OSBPL8: variants seen among roughly 807,000 people sequenced by gnomAD.
The protein encoded by OSBPL8 is oxysterol binding protein like 8.
OSBPL8 carries 59 observed loss-of-function variants against 125.5 expected under a neutral mutation model. That is an observed-to-expected ratio of 0.47 (90% CI 0.38 to 0.58). OSBPL8 has a LOEUF of 0.58. OSBPL8 is among the 20% of genes least tolerant of loss of function. The probability of loss-of-function intolerance (pLI) is 0.00; values close to 1 mark genes in which losing one functional copy is unlikely to be tolerated. For synonymous variants in OSBPL8, 330 were observed against 338.9 expected, an observed-to-expected ratio of 0.97 and a Z score of 0.29; for missense variants, 758 against 1,047.8, an observed-to-expected ratio of 0.72 and a Z score of 3.82.
At chr12:76,517,562 G>A (rs905584468) in intron 1 of OSBPL8, among the ~76,000 whole-genome samples, 1 of 151,954 alleles carries the variant, frequency 6.6e-6, no homozygotes, top group African/African-American at 2.4e-5. Context: ...TTAAATACTT[G>A]GCTTTAAGAG....
chr12:76,436,800 CAT>C (rs920847499), intron 4 of OSBPL8, among the ~76,000 whole-genome samples: 5 of 152,116 alleles, frequency 3.3e-5, no homozygotes, highest in East Asian at 1.9e-4. Context: ...TTATATAACA[CAT>C]GTGTATTATA....
chr12:76,470,900 A>G (rs1876056137), intron 2 of OSBPL8, among the ~76,000 whole-genome samples: 1 of 152,228 alleles, frequency 6.6e-6, no homozygotes, highest in African/African-American at 2.4e-5. Flanking sequence ...AAAGCTTTGG[A>G]TTAAATAAAA....
At chr12:76,431,503 A>G (rs1870819989) in intron 4 of OSBPL8, among the ~76,000 whole-genome samples, 1 of 152,178 alleles carries the variant, frequency 6.6e-6, no homozygotes, top group South Asian at 2.1e-4. Context: ...AGACTCAACT[A>G]TATGCTGTTT....
At chr12:76,508,243 A>G (rs543031543) in intron 1 of OSBPL8, among the ~76,000 whole-genome samples, 1 of 152,348 alleles carries the variant, frequency 6.6e-6, no homozygotes, top group Admixed American at 6.5e-5. Flanking sequence ...TTCACTCTGC[A>G]ATTTTGACTA....
intron 21 of OSBPL8, among the ~76,000 whole-genome samples, chr12:76,366,032 T>A (rs568197047): frequency 1.8e-4 from 27 of 152,360 alleles, no homozygotes; most frequent in African/African-American, 6.5e-4. Flanking sequence ...ATAAAGGTTA[T>A]TGTTTGTAAC....
chr12:76,403,707 C>T (rs1021278804), intron 5 of OSBPL8, among the ~76,000 whole-genome samples: 3 of 152,078 alleles, frequency 2.0e-5, no homozygotes, highest in East Asian at 1.9e-4. Context: ...CTAAGCAGTG[C>T]CAAGAAAGTA....
Position 76,390,479 on chromosome 12 carries a change from G to C in OSBPL8, c.1108C>G (p.Pro370Ala). ...GTAGTCTCCTTTAAAGGCTCAACAG[G>C]CTCAGGTTCGATATATGAGTCATCT... ...RQDDSYIEPE[P>A]VEPLKETTYT... The change falls in exon 11 of 24, where the codon CCT (proline) becomes GCT (alanine). Residue 370 changes from proline (P) to alanine (A), a missense_variant. This residue lies in a region of OSBPL8 where 572 missense variants were observed against 762.0 expected (regional missense o/e 0.75). Transcript: ENST00000261183. 6.2e-7 allele frequency: 1 copy of C among 1,613,820 alleles called. No individual in the cohort carries two copies. Among genetic ancestry groups the C allele is most frequent in the Non-Finnish European group, 8.5e-7 (1 of 1,179,874 alleles).
chr12:76,522,375 A>G (rs1373010140), intron 1 of OSBPL8, among the ~76,000 whole-genome samples: 1 of 151,816 alleles, frequency 6.6e-6, no homozygotes, highest in African/African-American at 2.4e-5. Context: ...ACCAAATCCC[A>G]TTTTGAAATT....
intron 3 of OSBPL8, among the ~76,000 whole-genome samples, chr12:76,459,641 T>C (rs1442545504): frequency 1.3e-5 from 2 of 152,164 alleles, no homozygotes; most frequent in Non-Finnish European, 2.9e-5. Flanking sequence ...GATGTAAATA[T>C]ACAAACACTG....
At chr12:76,435,393 T>G (rs907229582) in intron 4 of OSBPL8, among the ~76,000 whole-genome samples, 1 of 151,912 alleles carries the variant, frequency 6.6e-6, no homozygotes, top group Non-Finnish European at 1.5e-5. Flanking sequence ...TTGCTAGAGG[T>G]TGGGGAGTGG....
intron 4 of OSBPL8, among the ~76,000 whole-genome samples, chr12:76,429,495 T>C (rs566092016): frequency 2.0e-5 from 3 of 152,038 alleles, no homozygotes; most frequent in Non-Finnish European, 2.9e-5. Flanking sequence ...AGGTTTCATA[T>C]AACAACAATC....
chr12:76,432,340 C>T (rs1870932539), intron 4 of OSBPL8, among the ~76,000 whole-genome samples: 1 of 152,130 alleles, frequency 6.6e-6, no homozygotes, highest in Admixed American at 6.5e-5. Flanking sequence ...AATCCCAGCA[C>T]TTTGGGAGGC....
chr12:76,496,080 T>G (rs1415091964), intron 1 of OSBPL8, among the ~76,000 whole-genome samples: 1 of 152,196 alleles, frequency 6.6e-6, no homozygotes, highest in Non-Finnish European at 1.5e-5. Flanking sequence ...CCTTAGCCCA[T>G]CCACTGACTT....
At chr12:76,520,214 C>T (rs768426815) in intron 1 of OSBPL8, among the ~76,000 whole-genome samples, 29 of 152,112 alleles carry the variant, frequency 1.9e-4, no homozygotes, top group Non-Finnish European at 3.1e-4. Flanking sequence ...ATTGATATCA[C>T]GCTAGTTCCT....
chr12:76,461,723 C>T (rs1377269803), intron 2 of OSBPL8, among the ~76,000 whole-genome samples: 1 of 152,168 alleles, frequency 6.6e-6, no homozygotes, highest in African/African-American at 2.4e-5. Flanking sequence ...AGGCATGAGC[C>T]ACCGTGCCCG....
At chr12:76,391,263 A>G (rs1346750839) in intron 10 of OSBPL8, among the ~76,000 whole-genome samples, 1 of 152,194 alleles carries the variant, frequency 6.6e-6, no homozygotes, top group Non-Finnish European at 1.5e-5. Flanking sequence ...ATTTCAGCTG[A>G]AAGAAATTAA....
Position 76,371,547 on chromosome 12 carries a change from T to C in OSBPL8, c.1955A>G (p.Asn652Ser). 6.2e-7 allele frequency: 1 copy of C among 1,610,110 alleles called. No homozygotes were observed. The highest frequency in any genetic ancestry group is 8.5e-7 in the Non-Finnish European group (1 of 1,178,102). The change falls in exon 19 of 24, where the codon AAT becomes AGT. Residue 652 changes from asparagine (N) to serine (S), a missense_variant. This residue lies in a region of OSBPL8 where 572 missense variants were observed against 762.0 expected (regional missense o/e 0.75). Transcript: ENST00000261183. ...TGTTGGATTCCAGAAAACCTCTGAA[T>C]TATCAGTCTTTTTATCAGTAATAAA... The part of the protein sequence containing the change: ...EVFITDKKTD[N>S]SEVFWNPTPD...
At chr12:76,556,992 T>C (rs1463881799) in intron 1 of OSBPL8, among the ~76,000 whole-genome samples, 3 of 152,140 alleles carry the variant, frequency 2.0e-5, no homozygotes, top group African/African-American at 7.2e-5. Context: ...TCAAGTTGTG[T>C]TTCTGTCTTA....
intron 1 of OSBPL8, among the ~76,000 whole-genome samples, chr12:76,553,275 T>C (rs932168574): frequency 3.3e-5 from 5 of 152,142 alleles, no homozygotes; most frequent in Admixed American, 1.3e-4. Flanking sequence ...TTCCTGCTAA[T>C]ATGTAGGCAT....
Sources: allele counts gnomAD v4.1 joint callset (sites outside exome capture counted in the v4.1 genomes callset), GRCh38; gene constraint gnomAD v4.1.1; regional missense constraint gnomAD v4.1.1; transcripts MANE v1.5; gene names NCBI Gene and HGNC (gene_info 2026-07-23, HGNC 2026-07-21).